Variants in SHISAL1 observed in about 807,000 individuals in gnomAD.
SHISAL1 encodes protein shisa-like-1.
SHISAL1 carries 9 observed loss-of-function variants against 22.6 expected under a neutral mutation model. The observed-to-expected ratio is 0.40, with a 90% CI of 0.24 to 0.70. SHISAL1 has a LOEUF of 0.70. Ranked by LOEUF, SHISAL1 falls within the 30% of genes least tolerant of loss-of-function variation. The probability of loss-of-function intolerance (pLI) is 0.39; values close to 1 mark genes in which losing one functional copy is unlikely to be tolerated. For synonymous variants in SHISAL1, 119 were observed against 115.4 expected (o/e 1.03, Z -0.20); for missense variants, 246 against 270.6 (o/e 0.91, Z 0.64).
At chr22:44,255,204 G>A (rs1269787147) in intron 4 of SHISAL1, among the ~76,000 whole-genome samples, 1 of 151,918 alleles carries the variant, frequency 6.6e-6, no homozygotes, top group African/African-American at 2.4e-5. Flanking sequence ...TTTTTGAGAT[G>A]GAGTCGGAGT....
At position 44,296,683 on chromosome 22, in the gene SHISAL1, A is replaced by G. The variant is rs1359713450; in HGVS notation, c.270T>C (p.Gly90=). 1 of 1,613,392 alleles carries G rather than the reference A, an allele frequency of 6.2e-7. No homozygotes were observed. The highest frequency in any genetic ancestry group is 1.1e-5 in the South Asian group (1 of 91,040). Residue 90 remains glycine (G), a synonymous_variant, in exon 3 of 5, where the codon GGT becomes GGC. Transcript: ENST00000381176. ...MQANLTASSE[G]YMHNNYTALL... ...AGAGTGGCACTCACTTGTGCATGTA[A>G]CCCTCGGAGCTGGCCGTGAGGTTCG...
Position 44,249,628 on chromosome 22 carries a change from C to G in SHISAL1, c.*57G>C. The G allele has an allele frequency of 3.9e-6, 3 of 778,378 alleles. No homozygotes were observed. The highest frequency in any genetic ancestry group is 2.4e-6 in the Non-Finnish European group (1 of 417,372). The allele number at this position is 778,378 out of a possible 1,614,324, so 48.2% of individuals were successfully genotyped here. ...CTGTAGAAGTTGTTCTTCTCGGAGG[C>G]TGCACCGGGTGCTTCAGATCTCATC... is the stretch of plus-strand genomic sequence containing the variant. On this transcript the variant is annotated 3_prime_UTR_variant, in exon 5 of 5. Transcript: ENST00000381176.
intron 1 of SHISAL1, among the ~76,000 whole-genome samples, chr22:44,307,567 C>T (rs950522713): frequency 2.0e-5 from 3 of 152,182 alleles, no homozygotes; most frequent in African/African-American, 4.8e-5. Flanking sequence ...CCGTGGCCAA[C>T]AACAAAACTC....
At chr22:44,309,537 C>T (rs974238019) in intron 1 of SHISAL1, among the ~76,000 whole-genome samples, 1 of 152,148 alleles carries the variant, frequency 6.6e-6, no homozygotes, top group Non-Finnish European at 1.5e-5. Flanking sequence ...TATGCTGCAC[C>T]CTCAGTCTCT....
intron 4 of SHISAL1, among the ~76,000 whole-genome samples, chr22:44,255,586 G>A (rs1198397085): frequency 6.6e-6 from 1 of 152,150 alleles, no homozygotes; most frequent in Non-Finnish European, 1.5e-5. Flanking sequence ...CTCCTACTGT[G>A]GTCCAGGCTG....
At chr22:44,314,193 C>T (rs1017905549), upstream of SHISAL1, among the ~76,000 whole-genome samples, 8 of 3,246 alleles carry the variant, frequency 2.5e-3, no homozygotes, top group Admixed American at 0.02. Context: ...ATGAGTCGGG[C>T]GGTGGGGCGG....
In SHISAL1 at chr22:44,300,968, C is replaced by T. The variant is rs1439411595; in HGVS notation, c.-23G>A. 3.7e-6 allele frequency: 6 copies of T among 1,611,448 alleles called. No homozygotes were observed. The highest frequency in any genetic ancestry group is 5.1e-6 in the Non-Finnish European group (6 of 1,177,880). On this transcript the variant is annotated 5_prime_UTR_variant, in exon 2 of 5. Coordinates refer to ENST00000381176, the MANE Select transcript of SHISAL1 (RefSeq NM_001099294.2). ...CATCGTCTGGCTTGCATTGATCCGTCCAGAGCTGCCTGTTCAATGAGAGCC... is the reference window on the plus strand; with the variant it reads ...CATCGTCTGGCTTGCATTGATCCGTTCAGAGCTGCCTGTTCAATGAGAGCC...
At chr22:44,265,392 C>T (rs1375726587) in intron 4 of SHISAL1, among the ~76,000 whole-genome samples, 1 of 152,132 alleles carries the variant, frequency 6.6e-6, no homozygotes, top group Non-Finnish European at 1.5e-5. Context: ...GAGAGGCCCA[C>T]CTGGTGAGCA....
chr22:44,250,112 G>A (rs373491324), intron 4 of SHISAL1, among the ~76,000 whole-genome samples: 3 of 152,078 alleles, frequency 2.0e-5, no homozygotes, highest in African/African-American at 4.8e-5. Context: ...CAATTACTAG[G>A]GTAATTATAT....
At chr22:44,258,977 C>T (rs2055103370) in intron 4 of SHISAL1, among the ~76,000 whole-genome samples, 1 of 152,158 alleles carries the variant, frequency 6.6e-6, no homozygotes, top group Non-Finnish European at 1.5e-5. Flanking sequence ...GTGTGACCAG[C>T]TCAACATTCT....
chr22:44,277,370 CA>C (rs763626724), intron 4 of SHISAL1, among the ~76,000 whole-genome samples: 3 of 152,202 alleles, frequency 2.0e-5, no homozygotes, highest in Non-Finnish European at 4.4e-5. Context: ...CCAGGTACCT[CA>C]AAACAGGGGA....
At chr22:44,318,252 C>T in the SHISAL1 span, among the ~76,000 whole-genome samples, 3 of 152,376 alleles carry the variant, frequency 2.0e-5, no homozygotes, top group Non-Finnish European at 2.9e-5. Flanking sequence ...TGCTAAACTG[C>T]GTAGCATCGG....
chr22:44,301,916 G>T (rs1007700767), intron 1 of SHISAL1, among the ~76,000 whole-genome samples: 7 of 152,174 alleles, frequency 4.6e-5, no homozygotes, highest in Non-Finnish European at 7.3e-5. Context: ...CTTGGGGGAG[G>T]GGGATGGGGA....
At chr22:44,272,072 A>G (rs1480342007) in intron 4 of SHISAL1, among the ~76,000 whole-genome samples, 1 of 152,170 alleles carries the variant, frequency 6.6e-6, no homozygotes, top group Non-Finnish European at 1.5e-5. Context: ...GCAGGATTAT[A>G]GGAGCCACCT....
At chr22:44,254,831 A>C (rs966310042) in intron 4 of SHISAL1, among the ~76,000 whole-genome samples, 1 of 152,170 alleles carries the variant, frequency 6.6e-6, no homozygotes, top group Non-Finnish European at 1.5e-5. Flanking sequence ...GATTCTCTGC[A>C]CTTTTGCTCT....
intron 3 of SHISAL1, among the ~76,000 whole-genome samples, chr22:44,287,732 G>C (rs913899702): frequency 3.9e-5 from 6 of 152,176 alleles, no homozygotes; most frequent in African/African-American, 1.4e-4. Flanking sequence ...CCAGGAAAAA[G>C]AGGCCTGCAG....
At chr22:44,272,272 T>A (rs2055210939) in intron 4 of SHISAL1, among the ~76,000 whole-genome samples, 1 of 152,200 alleles carries the variant, frequency 6.6e-6, no homozygotes, top group South Asian at 2.1e-4. Context: ...CAGAAGTGTG[T>A]CTTCAAAATG....
chr22:44,294,343 C>T (rs183272179), intron 3 of SHISAL1, among the ~76,000 whole-genome samples: 21 of 152,280 alleles, frequency 1.4e-4, no homozygotes, highest in East Asian at 9.6e-4. Context: ...TTGGAACAGG[C>T]GGCTTCCCCC....
the SHISAL1 span, among the ~76,000 whole-genome samples, chr22:44,320,413 AG>A: frequency 8.5e-5 from 13 of 152,206 alleles, no homozygotes; most frequent in African/African-American, 2.4e-4. Context: ...GCCGTGGATC[AG>A]GGGGCAGGGA....
Sources: allele counts gnomAD v4.1 joint callset (sites outside exome capture counted in the v4.1 genomes callset), GRCh38; gene constraint gnomAD v4.1.1; transcripts MANE v1.5; gene names NCBI Gene and HGNC (gene_info 2026-07-23, HGNC 2026-07-21).